The following PDE8A variants were observed in gnomAD, a reference collection of about 807,000 sequenced individuals.
PDE8A encodes high affinity cAMP-specific and IBMX-insensitive 3',5'-cyclic phosphodiesterase 8A.
In PDE8A, 59 loss-of-function variants were observed where a neutral mutation model predicts 105.0. That is an observed-to-expected ratio of 0.56 (90% CI 0.46 to 0.70). The LOEUF (loss-of-function observed/expected upper bound fraction) is 0.70, where lower values mean the gene tolerates loss of function less well. Ranked by LOEUF, PDE8A falls within the 30% of genes least tolerant of loss-of-function variation. The probability of loss-of-function intolerance (pLI) is 0.00; values close to 1 mark genes in which losing one functional copy is unlikely to be tolerated. For missense variants in PDE8A, 1,014 were observed against 1,045.9 expected (o/e 0.97, Z 0.42); for synonymous variants, 355 against 371.9 (o/e 0.95, Z 0.52).
intron 3 of PDE8A, among the ~76,000 whole-genome samples, chr15:85,067,870 G>C (rs1049360041): frequency 1.3e-5 from 2 of 152,086 alleles, no homozygotes; most frequent in Non-Finnish European, 2.9e-5. Flanking sequence ...TGTTTCCTTG[G>C]TGTTGAGAAC....
chr15:85,089,316 C>CT (rs762404521), intron 6 of PDE8A, 22 bp from the exon 7 acceptor site: 10 of 1,282,686 alleles, frequency 7.8e-6, no homozygotes, highest in Admixed American at 1.9e-5. Context: ...TTAATCATTC[C>CT]TTTTTTTGTT....
At chr15:85,014,796 C>T (rs1301119177) in intron 1 of PDE8A, among the ~76,000 whole-genome samples, 4 of 152,118 alleles carry the variant, frequency 2.6e-5, no homozygotes, top group Non-Finnish European at 5.9e-5. Flanking sequence ...TTCATATACT[C>T]GCCCTTATAA....
rs16974914 is a variant in PDE8A at position 85,136,393 on chromosome 15, G to C, written c.2254-141G>C. The C allele has an allele frequency of 4.2e-5, 32 of 756,966 alleles. No individual in the cohort carries two copies. In the East Asian group the frequency reaches 7.3e-4, roughly 17 times the overall value. 46.9% of individuals were successfully genotyped at this position (756,966 alleles called of 1,614,324 possible). A position where few individuals can be genotyped will look rare whatever the true frequency, so the allele number is the denominator to read the frequency against. ...GGTATCTGTTATGAGACATGGTTTG[G>C]CTGCGTGAGGTGGTGATTGGCTTCT... On this transcript the variant is annotated intron_variant, in intron 20 of 21. Coordinates refer to ENST00000394553, the MANE Select transcript of PDE8A (RefSeq NM_002605.3).
intron 1 of PDE8A, among the ~76,000 whole-genome samples, chr15:85,016,759 T>G (rs990725664): frequency 6.6e-6 from 1 of 152,214 alleles, no homozygotes. Context: ...ACTGACATCA[T>G]TGTGATGTTG....
chr15:85,115,932 A>AG, intron 15 of PDE8A, 52 bp from the exon 16 acceptor site: 1 of 1,551,182 alleles, frequency 6.4e-7, no homozygotes. Context: ...AAAAAAAAAA[A>AG]AAAGTTAATC....
chr15:84,986,693 C>T (rs2079807490), intron 1 of PDE8A, among the ~76,000 whole-genome samples: 1 of 151,960 alleles, frequency 6.6e-6, no homozygotes, highest in Non-Finnish European at 1.5e-5. Context: ...GCTCACTCAG[C>T]CTTGACCTCC....
rs372770203 is a variant in PDE8A at position 85,115,514 on chromosome 15, G to A, written c.1399+27G>A. The stretch of plus-strand genomic sequence containing the variant: ...TAAGTTTTTCCTTTTTAATTTCTTA[G>A]ATCACTGTCTATAATACTGCAGTCT... On this transcript the variant is annotated intron_variant, in intron 15 of 21. Transcript: ENST00000394553. The A allele has an allele frequency of 1.6e-5, 20 of 1,228,826 alleles. No homozygotes were observed. The African/African-American group carries it at 2.3e-4, about 14-fold the overall frequency. 76.1% of individuals were successfully genotyped at this position (1,228,826 alleles called of 1,614,324 possible). A position where few individuals can be genotyped will look rare whatever the true frequency, so the allele number is the denominator to read the frequency against.
At chr15:85,113,546 G>A (rs769189767) in intron 13 of PDE8A, 99 bp downstream of exon 13, 2 of 1,037,896 alleles carry the variant, frequency 1.9e-6, no homozygotes, top group Non-Finnish European at 1.5e-6. Context: ...GCAGTAATGA[G>A]CATGCTGTCA....
intron 1 of PDE8A, among the ~76,000 whole-genome samples, chr15:85,014,232 G>C (rs927201638): frequency 6.6e-6 from 1 of 151,788 alleles, no homozygotes; most frequent in Non-Finnish European, 1.5e-5. Flanking sequence ...ATGCAGCCTC[G>C]AACTCCTGGG....
intron 11 of PDE8A, among the ~76,000 whole-genome samples, chr15:85,101,652 G>A (rs1434637360): frequency 6.6e-6 from 1 of 152,164 alleles, no homozygotes; most frequent in Non-Finnish European, 1.5e-5. Flanking sequence ...AAGATTACAT[G>A]GAAGGAGACA....
chr15:85,001,215 A>G (rs1278920582), intron 1 of PDE8A, among the ~76,000 whole-genome samples: 6 of 152,142 alleles, frequency 3.9e-5, no homozygotes, highest in African/African-American at 9.7e-5. Context: ...TTCCTTGCCA[A>G]TGCTCCGCAA....
intron 20 of PDE8A, among the ~76,000 whole-genome samples, chr15:85,134,708 CTG>C (rs1256543074): frequency 2.0e-5 from 3 of 152,210 alleles, no homozygotes; most frequent in Non-Finnish European, 4.4e-5. Context: ...CCTCTGGGCA[CTG>C]TGCTAGGTAT....
At chr15:85,122,358 A>G (rs2082195593) in intron 18 of PDE8A, among the ~76,000 whole-genome samples, 1 of 152,192 alleles carries the variant, frequency 6.6e-6, no homozygotes, top group African/African-American at 2.4e-5. Context: ...CATGAAGAAT[A>G]CTTATTAATA....
In PDE8A at chr15:85,010,803, G is replaced by A. The variant is rs934080087; in HGVS notation, c.186+28455G>A. ...TAATAGTGACTTTAATAGCCTTAAA[G>A]TATGACCTGTAGGAAAACTCAGCTG... On this transcript the variant is annotated intron_variant, in intron 1 of 21. Transcript: ENST00000394553. 3.9e-5 allele frequency among the ~76,000 whole-genome samples: 6 copies of A among 152,284 alleles called. No individual in the cohort carries two copies. The South Asian group carries it at 8.3e-4, about 21-fold the overall frequency.
intron 1 of PDE8A, among the ~76,000 whole-genome samples, chr15:85,059,922 C>G (rs2081117896): frequency 6.6e-6 from 1 of 152,160 alleles, no homozygotes; most frequent in South Asian, 2.1e-4. Context: ...GTGGGACGAT[C>G]TCTTGAGCCC....
At chr15:85,020,252 G>A (rs289410) in intron 1 of PDE8A, among the ~76,000 whole-genome samples, 103,509 of 151,998 alleles carry the variant, frequency 0.68, 35,675 homozygotes, top group Non-Finnish European at 0.75. Context: ...AAGTCCTTCA[G>A]TCACAGTTGT....
intron 1 of PDE8A, among the ~76,000 whole-genome samples, chr15:85,057,469 C>G (rs141981496): frequency 4.6e-5 from 7 of 152,144 alleles, no homozygotes; most frequent in Non-Finnish European, 2.9e-5. Context: ...CAGGAATTCC[C>G]TGACCCCTTG....
Position 84,982,281 on chromosome 15 carries a change from C to A in PDE8A, c.119C>A (p.Ala40Asp). The change falls in exon 1 of 22, where the codon GCC becomes GAC. Residue 40 changes from alanine to aspartate, a missense_variant. Transcript: ENST00000394553. ...GPRLPQGQKT[A>D]ALPRTRGAGL... is the part of the protein sequence containing the mutation. Reference sequence around the variant, plus strand: ...CGCCTCCCGCAGGGCCAGAAGACGGCCGCCTTGCCCCGGACCCGCGGCGCC... The same window carrying A: ...CGCCTCCCGCAGGGCCAGAAGACGGACGCCTTGCCCCGGACCCGCGGCGCC... The A allele has an allele frequency of 7.1e-7, 1 of 1,406,706 alleles. No homozygotes were observed. Among genetic ancestry groups the A allele is most frequent in the African/African-American group, 1.5e-5 (1 of 66,158 alleles). The allele number at this position is 1,406,706 out of a possible 1,614,324, so 87.1% of individuals were successfully genotyped here.
intron 17 of PDE8A, among the ~76,000 whole-genome samples, chr15:85,118,155 T>C (rs1567298329): frequency 6.6e-6 from 1 of 152,178 alleles, no homozygotes; most frequent in African/African-American, 2.4e-5. Context: ...TAGAGCCAAG[T>C]AACTGTTGGA....
Sources: gnomAD v4.1 joint callset for allele counts (sites outside exome capture counted in the v4.1 genomes callset) on GRCh38, gnomAD v4.1.1 for gene constraint, MANE v1.5 for transcripts, NCBI Gene and HGNC (gene_info 2026-07-23, HGNC 2026-07-21) for gene names.